The following CD109 variants were observed in gnomAD, a reference collection of about 807,000 sequenced individuals.
CD109 encodes the protein CD109 molecule.
A neutral mutation model predicts 165.8 loss-of-function variants in CD109; 149 were observed. The ratio of observed to expected loss-of-function variants is 0.90; its 90% CI spans 0.79 to 1.03. CD109 has a LOEUF of 1.03. CD109 is among the 50% of genes least tolerant of loss of function. The pLI is 0.00. For synonymous variants in CD109, 585 were observed against 592.1 expected (o/e 0.99, Z 0.18); for missense variants, 1,712 against 1,677.8 (o/e 1.02, Z -0.36).
At chr6:73,818,352 T>A (rs1176344016) in intron 30 of CD109, 36 bp from the exon 31 acceptor site, 2 of 1,612,026 alleles carry the variant, frequency 1.2e-6, no homozygotes, top group African/African-American at 2.7e-5. Context: ...GGGTTTTTCC[T>A]GAGGAGTTTT....
At position 73,792,674 on chromosome 6, in the gene CD109, T is replaced by C. The variant is rs373947753; in HGVS notation, c.2750T>C (p.Met917Thr). ...SINGLASLIR[M>T]PYGCGEQNMI... ...AATGGCTTAGCCTCATTGATTCGGA[T>C]GCCTTATGGCTGTGGTGAACAGAAC... is the stretch of plus-strand genomic sequence containing the variant. The change falls in exon 23 of 33, where the codon ATG becomes ACG. Residue 917 changes from methionine to threonine, a missense_variant. Coordinates refer to ENST00000287097, the MANE Select transcript of CD109 (RefSeq NM_133493.5). The C allele has an allele frequency of 4.3e-6, 7 of 1,613,426 alleles. No homozygotes were observed. Among genetic ancestry groups the C allele is most frequent in the Non-Finnish European group, 5.9e-6 (7 of 1,179,972 alleles).
chr6:73,767,561 G>A lies in CD109; in HGVS notation c.1498-494G>A, dbSNP rs147723272. 3.7e-3 allele frequency among the ~76,000 whole-genome samples: 555 copies of A among 151,970 alleles called. 8 individuals are homozygous for A. Among genetic ancestry groups the A allele is most frequent in the African/African-American group, 0.013 (540 of 41,458 alleles). On this transcript the variant is annotated intron_variant, in intron 13 of 32. Transcript: ENST00000287097. ...CAGCCTCATACCTTTTTAGCCTGTCGTTTTAACATTGCAATCAAATAAAAA... is the reference window on the plus strand; with the variant it reads ...CAGCCTCATACCTTTTTAGCCTGTCATTTTAACATTGCAATCAAATAAAAA...
chr6:73,806,731 C>A (rs1460962150), intron 24 of CD109, 113 bp from the exon 25 acceptor site: 4 of 685,110 alleles, frequency 5.8e-6, no homozygotes, highest in Non-Finnish European at 9.7e-6. Context: ...CAGTGATTCC[C>A]CCTTTGATGA....
At chr6:73,766,192 C>T (rs1353860263) in intron 11 of CD109, 38 bp downstream of exon 11, 2 of 1,491,554 alleles carry the variant, frequency 1.3e-6, no homozygotes, top group Non-Finnish European at 1.9e-6. Context: ...ACTGCAACAA[C>T]ACCATTACAG....
chr6:73,743,317 G>A (rs1772862421), intron 5 of CD109, among the ~76,000 whole-genome samples: 1 of 152,190 alleles, frequency 6.6e-6, no homozygotes, highest in African/African-American at 2.4e-5. Flanking sequence ...TAGAGGTGGG[G>A]AACAAGAAAT....
Position 73,768,215 on chromosome 6 carries a change from T to C in CD109, c.1658T>C (p.Leu553Pro). The C allele has an allele frequency of 6.4e-7, 1 of 1,573,646 alleles. No homozygotes were observed. The highest frequency in any genetic ancestry group is 8.7e-7 in the Non-Finnish European group (1 of 1,146,338). Residue 553 changes from leucine to proline, a missense_variant, in exon 14 of 33, where the codon CTT (leucine) becomes CCT (proline). Leu to Pro is a moderately conservative substitution (Grantham distance 98). Coordinates refer to ENST00000287097, the MANE Select transcript of CD109 (RefSeq NM_133493.5). ...ISDVLKIPVQLVFKNKIKLYW... is the reference protein window; with the variant it reads ...ISDVLKIPVQPVFKNKIKLYW... The stretch of plus-strand genomic sequence containing the variant: ...GATGTTCTAAAAATTCCTGTTCAGC[T>C]TGTTTTTAAAAATAAGGTAAGATTT...
chr6:73,745,476 T>C (rs1772948216), intron 5 of CD109, among the ~76,000 whole-genome samples: 1 of 152,170 alleles, frequency 6.6e-6, no homozygotes. Flanking sequence ...CTGTATGCAT[T>C]GGTGGAGAAG....
chr6:73,818,896 A>T (rs1386152072), intron 31 of CD109, among the ~76,000 whole-genome samples: 1 of 152,182 alleles, frequency 6.6e-6, no homozygotes, highest in Non-Finnish European at 1.5e-5. Context: ...CAGTGGTGCA[A>T]TCGTAGCTCA....
chr6:73,693,077 A>G (rs1454756999), upstream of CD109, among the ~76,000 whole-genome samples: 2 of 152,170 alleles, frequency 1.3e-5, no homozygotes, highest in African/African-American at 4.8e-5. Context: ...TTGCATGGAT[A>G]TACTGTAATT....
chr6:73,810,623 C>T (rs890550946), intron 27 of CD109, among the ~76,000 whole-genome samples: 1 of 151,856 alleles, frequency 6.6e-6, no homozygotes, highest in Non-Finnish European at 1.5e-5. Context: ...GTGGGATCTA[C>T]AGAAATGCTA....
In CD109 at chr6:73,716,683, C is replaced by G. The variant is rs555996435; in HGVS notation, c.248-6568C>G. Among the ~76,000 whole-genome samples, 239 of 152,258 alleles carry G rather than the reference C, an allele frequency of 1.6e-3. 2 individuals carry two copies. The highest frequency in any genetic ancestry group is 5.2e-3 in the African/African-American group (215 of 41,544). ...TTCCTTATGTGTTTTGGTTATTAAT[C>G]CCTTGTGAGATGAGTAGTTACAAAG... On this transcript the variant is annotated intron_variant, in intron 2 of 32. Coordinates refer to ENST00000287097, the MANE Select transcript of CD109 (RefSeq NM_133493.5).
intron 2 of CD109, among the ~76,000 whole-genome samples, chr6:73,710,854 T>A (rs1007127386): frequency 2.0e-5 from 3 of 152,194 alleles, no homozygotes; most frequent in South Asian, 4.1e-4. Context: ...TTACAGCTGC[T>A]CAACTCTGCC....
chr6:73,714,140 C>T (rs1771636503), intron 2 of CD109, among the ~76,000 whole-genome samples: 1 of 152,158 alleles, frequency 6.6e-6, no homozygotes, highest in Admixed American at 6.5e-5. Flanking sequence ...CTATTTTATT[C>T]CAATGTGGGA....
At chr6:73,817,725 T>G (rs1294748776) in intron 30 of CD109, among the ~76,000 whole-genome samples, 1 of 152,162 alleles carries the variant, frequency 6.6e-6, no homozygotes, top group Non-Finnish European at 1.5e-5. Context: ...AGACAAAATG[T>G]TGTTGGTGCC....
rs148280648 is a variant in CD109 at position 73,744,055 on chromosome 6, A to G, written c.633+7547A>G. On this transcript the variant is annotated intron_variant, in intron 5 of 32. Transcript: ENST00000287097. Reference sequence around the variant, plus strand: ...TTTTTTAAAAACTGTGGTAAGATATATATGTAAAATTTACCATTTTAACAA... The same window carrying G: ...TTTTTTAAAAACTGTGGTAAGATATGTATGTAAAATTTACCATTTTAACAA... Among the ~76,000 whole-genome samples, 279 of 152,344 alleles carry G rather than the reference A, an allele frequency of 1.8e-3. 1 individual carries two copies. Among genetic ancestry groups the G allele is most frequent in the African/African-American group, 6.4e-3 (266 of 41,588 alleles).
chr6:73,766,063 C>T lies in CD109; in HGVS notation c.1241C>T (p.Ala414Val), dbSNP rs767500520. 2 of 1,613,974 alleles carry T rather than the reference C, an allele frequency of 1.2e-6. No individual in the cohort carries two copies. Residue 414 changes from alanine (A) to valine (V), a missense_variant, in exon 11 of 33, where the codon GCT (alanine) becomes GTT (valine). Ala to Val is a moderately conservative substitution (Grantham distance 64, BLOSUM62 0). Transcript: ENST00000287097. ...AACAGTGGAAATCAGAAAATGGAAGCTGTTCAGAAAATAAATTATACTGTC... is the reference window on the plus strand; with the variant it reads ...AACAGTGGAAATCAGAAAATGGAAGTTGTTCAGAAAATAAATTATACTGTC... ...GSNSGNQKME[A>V]VQKINYTVPQ...
At chr6:73,808,529 C>A (rs994395211) in intron 26 of CD109, among the ~76,000 whole-genome samples, 5 of 151,988 alleles carry the variant, frequency 3.3e-5, no homozygotes, top group Middle Eastern at 3.2e-3. Flanking sequence ...GGTTTGGCAG[C>A]CTTGTAGTTT....
intron 17 of CD109, among the ~76,000 whole-genome samples, chr6:73,781,536 A>G (rs1338873363): frequency 6.6e-6 from 1 of 152,164 alleles, no homozygotes; most frequent in Admixed American, 6.5e-5. Context: ...TTTGAAGTGA[A>G]TGCTTTCCTT....
At chr6:73,803,106 A>T in intron 23 of CD109, 114 bp from the exon 24 acceptor site, 1 of 717,848 alleles carries the variant, frequency 1.4e-6, no homozygotes, top group Non-Finnish European at 2.4e-6. Context: ...TCTTGGTTTG[A>T]TTTCTTCTTT....
Sources: gnomAD v4.1 joint callset for allele counts (sites outside exome capture counted in the v4.1 genomes callset) on GRCh38, gnomAD v4.1.1 for gene constraint, MANE v1.5 for transcripts, NCBI Gene and HGNC (gene_info 2026-07-23, HGNC 2026-07-21) for gene names.